Variants in NEURL1 observed in about 807,000 individuals in gnomAD.
The protein encoded by NEURL1 is E3 ubiquitin-protein ligase NEURL1.
NEURL1 carries 26 observed loss-of-function variants against 41.2 expected under a neutral mutation model. The ratio of observed to expected loss-of-function variants is 0.63; its 90% CI spans 0.46 to 0.87. The LOEUF (loss-of-function observed/expected upper bound fraction) is 0.87, where lower values mean the gene tolerates loss of function less well. Among genes scored for constraint, NEURL1 ranks in the 40% least tolerant of loss-of-function variants. The pLI is 0.00. For synonymous variants in NEURL1, 400 were observed against 402.3 expected, an observed-to-expected ratio of 0.99 and a Z score of 0.07; for missense variants, 761 against 871.1, an observed-to-expected ratio of 0.87 and a Z score of 1.59.
chr10:103,529,057 C>A (rs908184856), intron 1 of NEURL1, among the ~76,000 whole-genome samples: 2 of 152,142 alleles, frequency 1.3e-5, no homozygotes, highest in Non-Finnish European at 2.9e-5. Context: ...TAAAAAACAG[C>A]AAATAAGACT....
chr10:103,501,618 T>TTTATTA (rs58396329), intron 1 of NEURL1, among the ~76,000 whole-genome samples: 7,174 of 142,542 alleles, frequency 0.05, 547 homozygotes, highest in African/African-American at 0.16. Flanking sequence ...TCCCACTTTA[T>TTTATTA]TTATTATTAT....
chr10:103,502,231 C>T (rs1564802503), intron 1 of NEURL1, among the ~76,000 whole-genome samples: 1 of 152,212 alleles, frequency 6.6e-6, no homozygotes, highest in Non-Finnish European at 1.5e-5. Context: ...CATATTAGGA[C>T]TCTTTTCCTG....
intron 1 of NEURL1, among the ~76,000 whole-genome samples, chr10:103,551,884 A>G (rs1009600864): frequency 2.6e-5 from 4 of 152,102 alleles, no homozygotes; most frequent in Non-Finnish European, 4.4e-5. Flanking sequence ...GTTCTGTTTC[A>G]CTCAAGTGGC....
intron 1 of NEURL1, among the ~76,000 whole-genome samples, chr10:103,535,286 G>C (rs2034667427): frequency 6.6e-6 from 1 of 152,130 alleles, no homozygotes; most frequent in South Asian, 2.1e-4. Context: ...TAGAGGGCTA[G>C]CCCAGCTCTG....
intron 1 of NEURL1, among the ~76,000 whole-genome samples, chr10:103,513,766 T>TG (rs1554889255): frequency 9.3e-6 from 1 of 107,816 alleles, no homozygotes; most frequent in Non-Finnish European, 2.0e-5. Flanking sequence ...CTGGTGAGGG[T>TG]GGGGGGTGGG....
intron 1 of NEURL1, among the ~76,000 whole-genome samples, chr10:103,535,956 C>T (rs2034683120): frequency 6.6e-6 from 1 of 152,216 alleles, no homozygotes; most frequent in Non-Finnish European, 1.5e-5. Context: ...GGGCATGGCA[C>T]AGCATTGGCT....
At chr10:103,589,007 T>C in intron 4 of NEURL1, 4 of 425,596 alleles carry the variant, frequency 9.4e-6, no homozygotes, top group South Asian at 6.6e-5. Flanking sequence ...GAGGAGAGAA[T>C]CTATGATCAG....
At chr10:103,561,139 C>T (rs944601370) in intron 1 of NEURL1, among the ~76,000 whole-genome samples, 11 of 152,200 alleles carry the variant, frequency 7.2e-5, no homozygotes, top group African/African-American at 2.2e-4. Context: ...GGCCCCACAC[C>T]GTGGCAGCTG....
chr10:103,554,507 T>G (rs2035103896), intron 1 of NEURL1, among the ~76,000 whole-genome samples: 1 of 152,014 alleles, frequency 6.6e-6, no homozygotes, highest in African/African-American at 2.4e-5. Flanking sequence ...TAGGTTGGTG[T>G]GGGGGGGAAA....
At chr10:103,528,422 C>G (rs1418548604) in intron 1 of NEURL1, among the ~76,000 whole-genome samples, 3 of 150,658 alleles carry the variant, frequency 2.0e-5, no homozygotes, top group African/African-American at 7.3e-5. Flanking sequence ...ATAGTCCCAG[C>G]TATTTAGGAG....
rs571990029 is a variant in NEURL1, at chr10:103,498,321, G to A, written c.85+3849G>A. ...CGGCTCACTGCAAGCTCCGCCTCCC[G>A]GGTTCACGCCTTCTCCCGCCTCAGC... On this transcript the variant is annotated intron_variant, in intron 1 of 5. Transcript: ENST00000369780. Among the ~76,000 whole-genome samples, 10 of 152,264 alleles carry A rather than the reference G, an allele frequency of 6.6e-5. No homozygotes were observed. The South Asian group carries it at 1.2e-3, about 19-fold the overall frequency.
chr10:103,506,014 A>AG (rs2033938303), intron 1 of NEURL1, among the ~76,000 whole-genome samples: 1 of 152,076 alleles, frequency 6.6e-6, no homozygotes, highest in Non-Finnish European at 1.5e-5. Context: ...GGGACAGAAG[A>AG]GGGAAGTATG....
chr10:103,550,374 A>T (rs1365343744), intron 1 of NEURL1: 2 of 152,274 alleles, frequency 1.3e-5, no homozygotes, highest in Non-Finnish European at 2.9e-5. Context: ...GGTTCCCTAG[A>T]TGGCATGAGA....
intron 1 of NEURL1, among the ~76,000 whole-genome samples, chr10:103,500,110 AG>A (rs1247337403): frequency 2.6e-5 from 4 of 152,152 alleles, no homozygotes; most frequent in Admixed American, 2.6e-4. Flanking sequence ...GCCTCCTCAG[AG>A]TGACTGGCTG....
intron 1 of NEURL1, among the ~76,000 whole-genome samples, chr10:103,510,833 C>T (rs2034052160): frequency 6.6e-6 from 1 of 152,192 alleles, no homozygotes; most frequent in African/African-American, 2.4e-5. Context: ...TTGTCCTGGG[C>T]TTTGAGCTCT....
At chr10:103,562,399 C>G (rs1363803834) in intron 1 of NEURL1, among the ~76,000 whole-genome samples, 3 of 151,970 alleles carry the variant, frequency 2.0e-5, no homozygotes, top group African/African-American at 7.2e-5. Context: ...AACAAACAAA[C>G]AAAAAAAGAA....
chr10:103,497,435 C>G (rs1354434639), intron 1 of NEURL1, among the ~76,000 whole-genome samples: 1 of 152,102 alleles, frequency 6.6e-6, no homozygotes, highest in African/African-American at 2.4e-5. Flanking sequence ...ATTTTTTTCT[C>G]TCCTTACATA....
intron 1 of NEURL1, among the ~76,000 whole-genome samples, chr10:103,523,605 C>A (rs1241858126): frequency 6.6e-6 from 1 of 152,160 alleles, no homozygotes; most frequent in Non-Finnish European, 1.5e-5. Flanking sequence ...TCCCTCTCCC[C>A]CTTCCTTTTC....
At position 103,590,211 on chromosome 10, in the gene NEURL1, A is replaced by G; in HGVS notation, c.1564A>G (p.Thr522Ala). Residue 522 changes from threonine (T) to alanine (A), a missense_variant, in exon 6 of 6, where the codon ACC becomes GCC. Thr to Ala is a moderately conservative substitution (Grantham distance 58, BLOSUM62 0). Around this residue, in one of 5 missense-constraint regions of NEURL1, gnomAD observed 45 missense variants for 89.9 expected, o/e 0.50. Coordinates refer to ENST00000369780, the MANE Select transcript of NEURL1 (RefSeq NM_004210.5). ...TCTGGGCCAGTGGAGCGATGAGTGC[A>G]CCATTTGCTATGAACACGCGGTGGA... ...PGLGQWSDEC[T>A]ICYEHAVDTV... 3.1e-6 allele frequency: 5 copies of G among 1,614,166 alleles called. No individual in the cohort carries two copies. The highest frequency in any genetic ancestry group is 1.1e-5 in the South Asian group (1 of 91,082).
Sources: gnomAD v4.1 joint callset for allele counts (sites outside exome capture counted in the v4.1 genomes callset) on GRCh38, gnomAD v4.1.1 for gene constraint, gnomAD v4.1.1 regional missense constraint, MANE v1.5 for transcripts, NCBI Gene and HGNC (gene_info 2026-07-23, HGNC 2026-07-21) for gene names.